CYTH3: variants seen among roughly 807,000 people sequenced by gnomAD.
The protein encoded by CYTH3 is cytohesin 3.
A neutral mutation model predicts 55.1 loss-of-function variants in CYTH3; 23 were observed. That is an observed-to-expected ratio of 0.42 (90% CI 0.30 to 0.59). The LOEUF is 0.59. Ranked by LOEUF, CYTH3 falls within the 20% of genes least tolerant of loss-of-function variation. CYTH3 has a pLI of 0.20. For synonymous variants in CYTH3, 249 were observed against 194.9 expected, an observed-to-expected ratio of 1.28 and a Z score of -2.31; for missense variants, 413 against 524.8, an observed-to-expected ratio of 0.79 and a Z score of 2.08.
chr7:6,261,719 C>T (rs1780359513), intron 1 of CYTH3, among the ~76,000 whole-genome samples: 1 of 131,598 alleles, frequency 7.6e-6, no homozygotes. Flanking sequence ...AAAAAAAGGG[C>T]AAAGTGATAT....
intron 1 of CYTH3, among the ~76,000 whole-genome samples, chr7:6,242,107 C>T (rs186880008): frequency 1.8e-4 from 27 of 152,158 alleles, no homozygotes; most frequent in Admixed American, 7.9e-4. Context: ...GATGGAGTCT[C>T]GCTCTGTCAC....
At chr7:6,264,509 G>A (rs1780435371) in intron 1 of CYTH3, among the ~76,000 whole-genome samples, 1 of 152,152 alleles carries the variant, frequency 6.6e-6, no homozygotes, top group Admixed American at 6.6e-5. Flanking sequence ...CTACTCGGAA[G>A]GCTGAGGCAG....
chr7:6,248,653 C>A (rs780997206), intron 1 of CYTH3, among the ~76,000 whole-genome samples: 1 of 152,188 alleles, frequency 6.6e-6, no homozygotes, highest in South Asian at 2.1e-4. Context: ...AAGCCCACCC[C>A]GGCTGCCCGT....
chr7:6,171,502 G>C lies in CYTH3; in HGVS notation c.450-188C>G, dbSNP rs537962007. ...ACAGTCTCCTTCCGTTCCATAACTC[G>C]AGACACGCTTACTGATGGCTCATCT... is the stretch of plus-strand genomic sequence containing the variant. On this transcript the variant is annotated intron_variant, in intron 6 of 12. Transcript: ENST00000350796. This position sits in a 1 kb window ranked among gnomAD's most constrained non-coding sequence, Gnocchi z 6.7. Among the ~76,000 whole-genome samples the C allele has an allele frequency of 4.6e-5, 7 of 152,142 alleles. No individual in the cohort carries two copies. Among genetic ancestry groups the C allele is most frequent in the African/African-American group, 1.7e-4 (7 of 41,416 alleles).
At position 6,259,792 on chromosome 7, in the gene CYTH3, T is replaced by TA. The variant is rs1341636183; in HGVS notation, c.34+12681dup. 1.0e-3 allele frequency among the ~76,000 whole-genome samples: 15 copies of TA among 15,004 alleles called. 1 individual carries two copies. The highest frequency in any genetic ancestry group is 8.3e-3 in the African/African-American group (9 of 1,082). 9.8% of individuals were successfully genotyped at this position (15,004 alleles called of 152,430 possible). On this transcript the variant is annotated intron_variant, in intron 1 of 12. Transcript: ENST00000350796. ...ATATATTATATATATATAATATATA[T>TA]ATATATATATATATATATATAATAT...
At chr7:6,259,807 ATATATAATATATATATATATATATATTT>A (rs1562417990) in intron 1 of CYTH3, among the ~76,000 whole-genome samples, 76 of 26,148 alleles carry the variant, frequency 2.9e-3, no homozygotes, top group South Asian at 0.015. Flanking sequence ...ATATATATAT[ATATATAATATATATATATATATATATTT>A]TTTTTTTTTT....
At chr7:6,179,155 C>T (rs1562881011) in intron 4 of CYTH3, among the ~76,000 whole-genome samples, 1 of 152,170 alleles carries the variant, frequency 6.6e-6, no homozygotes, top group South Asian at 2.1e-4. Context: ...GAGAACCGAT[C>T]AGTACATTCT....
At chr7:6,238,465 A>C (rs1404529351) in intron 1 of CYTH3, among the ~76,000 whole-genome samples, 13 of 152,360 alleles carry the variant, frequency 8.5e-5, no homozygotes, top group Admixed American at 3.3e-4. Context: ...TATGCTTAGT[A>C]AAGTACACTA....
chr7:6,272,410 G>GGGGGGGGGGGGGC, intron 1 of CYTH3, 64 bp downstream of exon 1: 2 of 1,216,614 alleles, frequency 1.6e-6, no homozygotes, highest in Non-Finnish European at 2.1e-6. Flanking sequence ...CCGCGCCCTC[G>GGGGGGGGGGGGGC]ACCCCCAGCC....
chr7:6,180,554 T>C (rs1230614180), intron 4 of CYTH3, among the ~76,000 whole-genome samples: 6 of 152,208 alleles, frequency 3.9e-5, no homozygotes, highest in Non-Finnish European at 8.8e-5. Flanking sequence ...GCAGCAATCC[T>C]GCCCACACCC....
chr7:6,260,233 C>T (rs191814730), intron 1 of CYTH3, among the ~76,000 whole-genome samples: 34 of 152,166 alleles, frequency 2.2e-4, no homozygotes, highest in Middle Eastern at 6.8e-3. Flanking sequence ...TACAAGCTGA[C>T]AAACCCGCTT....
At chr7:6,261,530 C>T (rs111867176) in intron 1 of CYTH3, among the ~76,000 whole-genome samples, 372 of 151,942 alleles carry the variant, frequency 2.4e-3, no homozygotes, top group African/African-American at 8.4e-3. Context: ...GTCTGGGAAA[C>T]ATAGTGGGAC....
chr7:6,162,365 AAAG>A lies in CYTH3; in HGVS notation c.*2576_*2578del, dbSNP rs1270862303. 6.6e-6 allele frequency: 1 copy of A among 152,250 alleles called. No individual in the cohort carries two copies. Among genetic ancestry groups the A allele is most frequent in the African/African-American group, 2.4e-5 (1 of 41,464 alleles). The allele number at this position is 152,250 out of a possible 1,614,324, so 9.4% of individuals were successfully genotyped here. A position where few individuals can be genotyped will look rare whatever the true frequency, so the allele number is the denominator to read the frequency against. On this transcript the variant is annotated 3_prime_UTR_variant, in exon 13 of 13. Transcript: ENST00000350796. ...GCCTCCTGGCCTCTGTCTCTGGAAA[AAAG>A]TATCTTTGGCCAGAGTTGGGACTAA...
At chr7:6,270,805 C>T (rs1241931797) in intron 1 of CYTH3, among the ~76,000 whole-genome samples, 2 of 152,172 alleles carry the variant, frequency 1.3e-5, no homozygotes, top group African/African-American at 4.8e-5. Context: ...TTTGATACTT[C>T]ATATCATCCT....
rs1444198502 is a variant in CYTH3, at chr7:6,171,037, G to C, written c.563-59C>G. ...AACCTCCAGTGGACAGTGGGACCCCGCGTGCTGGGGGCCCGCCTGCAAGAG... is the reference window on the plus strand; with the variant it reads ...AACCTCCAGTGGACAGTGGGACCCCCCGTGCTGGGGGCCCGCCTGCAAGAG... On this transcript the variant is annotated intron_variant, in intron 7 of 12. Coordinates refer to ENST00000350796, the MANE Select transcript of CYTH3 (RefSeq NM_004227.4). This position sits in a 1 kb window ranked among gnomAD's most constrained non-coding sequence, Gnocchi z 6.7. 1 of 1,601,548 alleles carries C rather than the reference G, an allele frequency of 6.2e-7. No homozygotes were observed. Among genetic ancestry groups the C allele is most frequent in the Non-Finnish European group, 8.5e-7 (1 of 1,172,900 alleles).
intron 1 of CYTH3, among the ~76,000 whole-genome samples, chr7:6,215,386 C>G (rs1784403819): frequency 1.3e-5 from 2 of 152,046 alleles, no homozygotes; most frequent in Non-Finnish European, 2.9e-5. Context: ...GTCAGGAGAT[C>G]AAGACCATCC....
In CYTH3 at chr7:6,259,743, AAT is replaced by A. The variant is rs1262355040; in HGVS notation, c.34+12729_34+12730del. On this transcript the variant is annotated intron_variant, in intron 1 of 12. Transcript: ENST00000350796. The stretch of plus-strand genomic sequence containing the variant: ...CAAAATATTTTACATACATATATAT[AAT>A]ATATATATATATTATATATATATAT... Among the ~76,000 whole-genome samples, 276 of 36,116 alleles carry A rather than the reference AAT, an allele frequency of 7.6e-3. 3 individuals carry two copies. The highest frequency in any genetic ancestry group is 0.01 in the Admixed American group (23 of 2,246). The allele number at this position is 36,116 out of a possible 152,430, so 23.7% of individuals were successfully genotyped here. A position where few individuals can be genotyped will look rare whatever the true frequency, so the allele number is the denominator to read the frequency against.
chr7:6,170,430 T>G lies in CYTH3; in HGVS notation c.823+105A>C. The G allele has an allele frequency of 9.5e-7, 1 of 1,047,216 alleles. No individual in the cohort carries two copies. The highest frequency in any genetic ancestry group is 1.4e-6 in the Non-Finnish European group (1 of 717,666). 64.9% of individuals were successfully genotyped at this position (1,047,216 alleles called of 1,614,324 possible). A position where few individuals can be genotyped will look rare whatever the true frequency, so the allele number is the denominator to read the frequency against. Reference sequence around the variant, plus strand: ...TAACCGCGTTTCTTTTTAACGTCTCTGCCTGCGGTGGGGGGCATTCCTACG... The same window carrying G: ...TAACCGCGTTTCTTTTTAACGTCTCGGCCTGCGGTGGGGGGCATTCCTACG... On this transcript the variant is annotated intron_variant, in intron 9 of 12. Coordinates refer to ENST00000350796, the MANE Select transcript of CYTH3 (RefSeq NM_004227.4). This position sits in a 1 kb window ranked among gnomAD's most constrained non-coding sequence, Gnocchi z 7.8.
At chr7:6,182,296 C>A (rs1181589810) in intron 4 of CYTH3, among the ~76,000 whole-genome samples, 1 of 152,204 alleles carries the variant, frequency 6.6e-6, no homozygotes, top group African/African-American at 2.4e-5. Context: ...GCAATCCACC[C>A]ACCCCGGCCT....
Sources: gnomAD v4.1 joint callset for allele counts (sites outside exome capture counted in the v4.1 genomes callset) on GRCh38, gnomAD v4.1.1 for gene constraint, Gnocchi (gnomAD v3.1) non-coding constraint, MANE v1.5 for transcripts, NCBI Gene and HGNC (gene_info 2026-07-23, HGNC 2026-07-21) for gene names.